SMARCAL1: variants seen among roughly 807,000 people sequenced by gnomAD.
SMARCAL1 encodes the protein ATP-driven annealing helicase.
In SMARCAL1, 58 loss-of-function variants were observed where a neutral mutation model predicts 94.5. That is an observed-to-expected ratio of 0.61 (90% CI 0.50 to 0.76). The LOEUF (loss-of-function observed/expected upper bound fraction) is 0.76. Among genes scored for constraint, SMARCAL1 ranks in the 30% least tolerant of loss-of-function variants. SMARCAL1 has a pLI of 0.00. For synonymous variants in SMARCAL1, 422 were observed against 455.1 expected (o/e 0.93, Z 0.93); for missense variants, 1,051 against 1,177.9 (o/e 0.89, Z 1.58).
Position 216,482,680 on chromosome 2 carries a change from A to G in SMARCAL1, c.2626-58A>G. On this transcript the variant is annotated intron_variant, in intron 17 of 17. Coordinates refer to ENST00000357276, the MANE Select transcript of SMARCAL1 (RefSeq NM_014140.4). This position sits in a 1 kb window ranked among gnomAD's most constrained non-coding sequence, Gnocchi z 4.3. ...TCTCTCATCAGCCCTAGTGGAGGAG[A>G]GTCAGTGTTGGAGCCTGGGCTCTTC... 1 of 1,612,648 alleles carries G rather than the reference A, an allele frequency of 6.2e-7. No individual in the cohort carries two copies. The highest frequency in any genetic ancestry group is 8.5e-7 in the Non-Finnish European group (1 of 1,178,876).
At chr2:216,473,273 G>A (rs1212828755) in intron 14 of SMARCAL1, among the ~76,000 whole-genome samples, 3 of 151,192 alleles carry the variant, frequency 2.0e-5, no homozygotes, top group African/African-American at 7.3e-5. Context: ...TAAATGTGGA[G>A]AAAAGGACAT....
Position 216,416,322 on chromosome 2 carries a change from G to T in SMARCAL1, c.862+15G>T. ...TAGTGCCCTGAGTAAGTAGACACAT[G>T]GTTGTCTCATGGAGGGTGGCACTGG... On this transcript the variant is annotated intron_variant, in intron 4 of 17. Coordinates refer to ENST00000357276, the MANE Select transcript of SMARCAL1 (RefSeq NM_014140.4). 3 of 1,606,688 alleles carry T rather than the reference G, an allele frequency of 1.9e-6. No homozygotes were observed. The South Asian group carries it at 3.3e-5, about 18-fold the overall frequency.
intron 10 of SMARCAL1, 116 bp from the exon 11 acceptor site, chr2:216,446,902 G>T: frequency 1.7e-6 from 2 of 1,207,898 alleles, no homozygotes; most frequent in South Asian, 1.3e-5. Flanking sequence ...AGGTTCTCGC[G>T]ACACGCACGC....
intron 5 of SMARCAL1, 102 bp downstream of exon 5, chr2:216,420,634 G>A: frequency 1.1e-6 from 1 of 881,100 alleles, no homozygotes; most frequent in East Asian, 2.5e-5. Context: ...TTACTTTCTT[G>A]GGAAAGACTT....
At chr2:216,425,472 A>G (rs992728834) in intron 6 of SMARCAL1, among the ~76,000 whole-genome samples, 2 of 152,174 alleles carry the variant, frequency 1.3e-5, no homozygotes, top group African/African-American at 4.8e-5. Context: ...GGGAGTCCCA[A>G]GGTCTGGGCT....
rs183899706 is a variant in SMARCAL1 at position 216,482,130 on chromosome 2, T to C, written c.2626-608T>C. Among the ~76,000 whole-genome samples, 37 of 152,266 alleles carry C rather than the reference T, an allele frequency of 2.4e-4. No homozygotes were observed. Among genetic ancestry groups the C allele is most frequent in the African/African-American group, 8.9e-4 (37 of 41,536 alleles). ...TTTTTCAACTACTTTGAAAATTAGG[T>C]ATAAGCCATGGCTGAACACAGAGAT... is the stretch of plus-strand genomic sequence containing the variant. On this transcript the variant is annotated intron_variant, in intron 17 of 17. Transcript: ENST00000357276. This position sits in a 1 kb window ranked among gnomAD's most constrained non-coding sequence, Gnocchi z 4.3.
chr2:216,459,713 A>G (rs1388491529), intron 12 of SMARCAL1, among the ~76,000 whole-genome samples: 1 of 151,850 alleles, frequency 6.6e-6, no homozygotes, highest in Non-Finnish European at 1.5e-5. Context: ...TAAATGTTAG[A>G]CCTAAAACCA....
intron 6 of SMARCAL1, among the ~76,000 whole-genome samples, chr2:216,426,087 C>A (rs1693827376): frequency 1.3e-5 from 2 of 152,202 alleles, no homozygotes; most frequent in African/African-American, 4.8e-5. Context: ...GTCTTGAACT[C>A]CTGGCCTCAA....
At chr2:216,467,021 A>G (rs1464533627) in intron 13 of SMARCAL1, among the ~76,000 whole-genome samples, 1 of 152,012 alleles carries the variant, frequency 6.6e-6, no homozygotes, top group African/African-American at 2.4e-5. Context: ...AAAGGAGCTC[A>G]CTTGCCTGTA....
At chr2:216,436,264 C>T (rs976851841) in intron 9 of SMARCAL1, among the ~76,000 whole-genome samples, 14 of 152,148 alleles carry the variant, frequency 9.2e-5, no homozygotes, top group Admixed American at 2.0e-4. Flanking sequence ...CCACCTTGCC[C>T]GGCCTCTAAT....
chr2:216,456,891 C>G (rs1297447371), intron 12 of SMARCAL1, among the ~76,000 whole-genome samples: 1 of 152,190 alleles, frequency 6.6e-6, no homozygotes, highest in Non-Finnish European at 1.5e-5. Flanking sequence ...TTGAAAGACA[C>G]AGACTGGCAA....
intron 3 of SMARCAL1, chr2:216,415,939 A>G: frequency 2.4e-6 from 1 of 419,398 alleles, no homozygotes; most frequent in Non-Finnish European, 4.5e-6. Flanking sequence ...ATTACAGGCC[A>G]GAGCCATTAC....
At chr2:216,443,965 G>A (rs552493001) in intron 10 of SMARCAL1, among the ~76,000 whole-genome samples, 3 of 152,302 alleles carry the variant, frequency 2.0e-5, no homozygotes, top group Admixed American at 6.5e-5. Flanking sequence ...TTAACTACAG[G>A]TGTCTCTTTT....
At chr2:216,415,878 A>C in intron 3 of SMARCAL1, 1 of 391,554 alleles carries the variant, frequency 2.6e-6, no homozygotes, top group South Asian at 2.5e-5. Flanking sequence ...ATTAAGTGAC[A>C]GGCCCAGTTT....
intron 10 of SMARCAL1, among the ~76,000 whole-genome samples, chr2:216,443,006 AT>A (rs2106045600): frequency 6.6e-6 from 1 of 152,240 alleles, no homozygotes; most frequent in South Asian, 2.1e-4. Context: ...CCTCACTTTC[AT>A]TACATAATCA....
chr2:216,446,812 A>G (rs533802432), intron 10 of SMARCAL1: 290 of 684,756 alleles, frequency 4.2e-4, no homozygotes, highest in Admixed American at 5.5e-4. Flanking sequence ...AAGTACTAGG[A>G]TAGAGCTCAG....
In SMARCAL1 at chr2:216,477,014, G is replaced by A. The variant is rs58959714; in HGVS notation, c.2428-95G>A. On this transcript the variant is annotated intron_variant, in intron 15 of 17. Transcript: ENST00000357276. ...TGCTTTGAGGAGGGAGGGTTGTGGT[G>A]GGACTGGAAATGGGGTGGAGAGGAA... 34,103 of 949,372 alleles carry A rather than the reference G, an allele frequency of 0.036. 832 individuals are homozygous for A. Among genetic ancestry groups the A allele is most frequent in the African/African-American group, 0.1 (6,470 of 61,680 alleles). The allele number at this position is 949,372 out of a possible 1,614,324, so 58.8% of individuals were successfully genotyped here. A position where few individuals can be genotyped will look rare whatever the true frequency, so the allele number is the denominator to read the frequency against.
At chr2:216,477,244 C>A (rs116468485) in intron 16 of SMARCAL1, 35 bp downstream of exon 16, 4 of 1,433,958 alleles carry the variant, frequency 2.8e-6, no homozygotes, top group Non-Finnish European at 3.9e-6. Flanking sequence ...CAGTTGGAGT[C>A]GAGCAAGGGT....
At position 216,415,480 on chromosome 2, in the gene SMARCAL1, T is replaced by C. The variant is rs750671325; in HGVS notation, c.776T>C (p.Ile259Thr). ...QVLIGYNAELIAVFKTLPSKN... is the reference protein window; with the variant it reads ...QVLIGYNAELTAVFKTLPSKN... ...TTGATTGGGTACAATGCGGAACTCATTGCAGTGTTTAAGACCCTGCCCAGC... is the reference window on the plus strand; with the variant it reads ...TTGATTGGGTACAATGCGGAACTCACTGCAGTGTTTAAGACCCTGCCCAGC... Residue 259 changes from isoleucine to threonine, a missense_variant, in exon 3 of 18, where the codon ATT (isoleucine) becomes ACT (threonine). By Grantham distance (89) the Ile-to-Thr change is moderately conservative (BLOSUM62 -1). Coordinates refer to ENST00000357276, the MANE Select transcript of SMARCAL1 (RefSeq NM_014140.4). 8.7e-6 allele frequency: 14 copies of C among 1,613,934 alleles called. No homozygotes were observed. In the Middle Eastern group the frequency reaches 5.0e-4, roughly 57 times the overall value.
Sources: gnomAD v4.1 joint callset for allele counts (sites outside exome capture counted in the v4.1 genomes callset) on GRCh38, gnomAD v4.1.1 for gene constraint, Gnocchi (gnomAD v3.1) non-coding constraint, MANE v1.5 for transcripts, NCBI Gene and HGNC (gene_info 2026-07-23, HGNC 2026-07-21) for gene names.